The following FSD2 variants were observed in gnomAD, a reference collection of about 807,000 sequenced individuals.
FSD2 encodes the protein fibronectin type III and SPRY domain containing 2, also known as fibronectin type III and SPRY domain-containing protein 2.
Under a neutral mutation model 80.4 loss-of-function variants are expected in FSD2, and 71 were observed. The observed-to-expected ratio is 0.88, with a 90% CI of 0.73 to 1.08. FSD2 has a LOEUF of 1.08. FSD2 is among the 50% of genes least tolerant of loss of function. FSD2 has a pLI of 0.00. For missense variants in FSD2, 923 were observed against 913.8 expected (o/e 1.01, Z -0.13); for synonymous variants, 361 against 329.5 (o/e 1.10, Z -1.03).
At chr15:82,790,033 A>G (rs1352407268) in intron 1 of FSD2, among the ~76,000 whole-genome samples, 1 of 152,054 alleles carries the variant, frequency 6.6e-6, no homozygotes, top group African/African-American at 2.4e-5. Context: ...AAAATTAGCC[A>G]GTTGTGGTGG....
At position 82,786,913 on chromosome 15, in the gene FSD2, C is replaced by G. The variant is rs756241239; in HGVS notation, c.478G>C (p.Glu160Gln). The G allele has an allele frequency of 2.5e-6, 4 of 1,613,832 alleles. No individual in the cohort carries two copies. Among genetic ancestry groups the G allele is most frequent in the African/African-American group, 2.7e-5 (2 of 74,894 alleles). Residue 160 changes from glutamate (E) to glutamine (Q), a missense_variant, in exon 2 of 13, where the codon GAG becomes CAG. Physicochemically the swap from Glu to Gln is conservative, Grantham distance 29 (BLOSUM62 2). Transcript: ENST00000334574. ...YRYTHGRASE[E>Q]YECYVIPEEE... is the part of the protein sequence containing the mutation. ...TCGGGGATGACATAGCATTCATACT[C>G]CTCGCTGGCACGGCCGTGTGTGTAC...
chr15:82,767,191 G>A (rs1348304504), intron 9 of FSD2, among the ~76,000 whole-genome samples: 1 of 152,212 alleles, frequency 6.6e-6, no homozygotes, highest in African/African-American at 2.4e-5. Flanking sequence ...CATTCTTCAG[G>A]CAATCACTGG....
rs892688136 is a variant in FSD2, at chr15:82,758,727, C to T, written c.*621G>A. 1 of 152,364 alleles carries T rather than the reference C, an allele frequency of 6.6e-6. No individual in the cohort carries two copies. The highest frequency in any genetic ancestry group is 1.5e-5 in the Non-Finnish European group (1 of 68,206). 9.4% of individuals were successfully genotyped at this position (152,364 alleles called of 1,614,324 possible). ...GCAATGAACAAAACAGGCACTGTCC[C>T]TCCCTTCATGGAATTAGGCATTATA... On this transcript the variant is annotated 3_prime_UTR_variant, in exon 13 of 13. Transcript: ENST00000334574.
intron 6 of FSD2, among the ~76,000 whole-genome samples, chr15:82,777,426 C>T (rs567787360): frequency 1.8e-4 from 28 of 152,144 alleles, no homozygotes; most frequent in Non-Finnish European, 3.5e-4. Flanking sequence ...AGATATTTCC[C>T]CAAAGAAGAC....
Position 82,780,276 on chromosome 15 carries a change from GA to G in FSD2, c.967-10del. 6.8e-7 allele frequency: 1 copy of G among 1,467,184 alleles called. No individual in the cohort carries two copies. Among genetic ancestry groups the G allele is most frequent in the Non-Finnish European group, 9.1e-7 (1 of 1,096,706 alleles). The allele number at this position is 1,467,184 out of a possible 1,614,324, so 90.9% of individuals were successfully genotyped here. A position where few individuals can be genotyped will look rare whatever the true frequency, so the allele number is the denominator to read the frequency against. Reference sequence around the variant, plus strand: ...GCCATAGCCACTGCATCCTAAAAAGGAAAAAGAGAAAATATTAAGTTGATTT... The same window carrying G: ...GCCATAGCCACTGCATCCTAAAAAGGAAAAGAGAAAATATTAAGTTGATTT... On this transcript the variant is annotated splice_polypyrimidine_tract_variant and intron_variant, in intron 4 of 12. Coordinates refer to ENST00000334574, the MANE Select transcript of FSD2 (RefSeq NM_001007122.4).
chr15:82,769,141 T>C, intron 8 of FSD2, 111 bp from the exon 9 acceptor site: 1 of 1,036,344 alleles, frequency 9.6e-7, no homozygotes, highest in Non-Finnish European at 1.3e-6. Flanking sequence ...ACAAAAGAGA[T>C]TCAGTGCAAT....
Position 82,786,921 on chromosome 15 carries a change from G to C in FSD2, c.470C>G (p.Ala157Gly), listed in dbSNP as rs878865514. The change falls in exon 2 of 13, where the codon GCC becomes GGC. Residue 157 changes from alanine to glycine, a missense_variant. Transcript: ENST00000334574. ...GACATAGCATTCATACTCCTCGCTG[G>C]CACGGCCGTGTGTGTACCTATAGGC... ...REAYRYTHGR[A>G]SEEYECYVIP... The C allele has an allele frequency of 1.2e-6, 2 of 1,613,932 alleles. No individual in the cohort carries two copies. Among genetic ancestry groups the C allele is most frequent in the Non-Finnish European group, 1.7e-6 (2 of 1,179,882 alleles).
At chr15:82,767,595 A>T in intron 9 of FSD2, among the ~76,000 whole-genome samples, 1 of 152,200 alleles carries the variant, frequency 6.6e-6, no homozygotes, top group Non-Finnish European at 1.5e-5. Context: ...CAGCCCTCTG[A>T]TGACCTCATC....
chr15:82,794,070 T>G (rs1025435727), intron 1 of FSD2, among the ~76,000 whole-genome samples: 1 of 152,056 alleles, frequency 6.6e-6, no homozygotes, highest in African/African-American at 2.4e-5. Flanking sequence ...TTCCAGTTTT[T>G]TAATGTATTG....
At chr15:82,788,398 G>T (rs992699590) in intron 1 of FSD2, among the ~76,000 whole-genome samples, 1 of 151,314 alleles carries the variant, frequency 6.6e-6, no homozygotes, top group Non-Finnish European at 1.5e-5. Flanking sequence ...CAGCTACTTG[G>T]GAGGCTGAGG....
intron 1 of FSD2, among the ~76,000 whole-genome samples, chr15:82,793,182 AC>A (rs1025111179): frequency 6.6e-6 from 1 of 151,538 alleles, no homozygotes; most frequent in Admixed American, 6.6e-5. Context: ...TGCAACCTCC[AC>A]CTCCCAGGTC....
chr15:82,782,713 A>G, intron 4 of FSD2, 82 bp downstream of exon 4: 1 of 1,181,420 alleles, frequency 8.5e-7, no homozygotes, highest in East Asian at 2.3e-5. Flanking sequence ...AACCTAGCTT[A>G]CCTCAACCAT....
At chr15:82,778,024 T>C (rs1596243346) in intron 6 of FSD2, among the ~76,000 whole-genome samples, 3 of 148,756 alleles carry the variant, frequency 2.0e-5, no homozygotes, top group Admixed American at 6.7e-5. Context: ...TAGTTCTAAC[T>C]ACTCAGGAGG....
chr15:82,785,987 G>A (rs1028976145), intron 3 of FSD2, among the ~76,000 whole-genome samples: 1 of 152,028 alleles, frequency 6.6e-6, no homozygotes, highest in Non-Finnish European at 1.5e-5. Context: ...GCTCAAATGA[G>A]GGAATTCACT....
In FSD2 at chr15:82,764,492, CTTTTT is replaced by C. The variant is rs60095355; in HGVS notation, c.1820+669_1820+673del. Reference sequence around the variant, plus strand: ...CTCTTGTTGCTTCATTCTTTACTTGCTTTTTTTTTTTTTTTTTTTTGAGAAGGAGT... The same window carrying C: ...CTCTTGTTGCTTCATTCTTTACTTGCTTTTTTTTTTTTTTTGAGAAGGAGT... On this transcript the variant is annotated intron_variant, in intron 11 of 12. Transcript: ENST00000334574. Among the ~76,000 whole-genome samples the C allele has an allele frequency of 6.4e-4, 55 of 86,128 alleles. 1 individual carries two copies. Among genetic ancestry groups the C allele is most frequent in the Admixed American group, 1.1e-3 (8 of 7,420 alleles). The allele number at this position is 86,128 out of a possible 152,430, so 56.5% of individuals were successfully genotyped here.
Position 82,787,197 on chromosome 15 carries a change from C to G in FSD2, c.194G>C (p.Arg65Thr). Residue 65 changes from arginine to threonine, a missense_variant, in exon 2 of 13, where the codon AGA (arginine) becomes ACA (threonine). By Grantham distance (71) the Arg-to-Thr change is moderately conservative (BLOSUM62 -1). Transcript: ENST00000334574. ...TTCATCCACTTCCTCTTGAAGGTCT[C>G]TTTGAGCCTTACCATCCCCTGCTCC... ...SRGAGDGKAQ[R>T]DLQEEVDELV... 1.2e-6 allele frequency: 2 copies of G among 1,613,990 alleles called. No homozygotes were observed. Among genetic ancestry groups the G allele is most frequent in the South Asian group, 2.2e-5 (2 of 91,074 alleles).
Position 82,759,160 on chromosome 15 carries a change from CAGGT to C in FSD2, c.*184_*187del, listed in dbSNP as rs1478078763. The C allele has an allele frequency of 4.9e-6, 3 of 611,088 alleles. No individual in the cohort carries two copies. Among genetic ancestry groups the C allele is most frequent in the East Asian group, 5.7e-5 (2 of 35,128 alleles). The allele number at this position is 611,088 out of a possible 1,614,324, so 37.9% of individuals were successfully genotyped here. On this transcript the variant is annotated 3_prime_UTR_variant, in exon 13 of 13. Transcript: ENST00000334574. ...TGGTAATGACTATCCTAGCAGCACACAGGTAGCAGCACACAGGACTAGAATCCAG... is the reference window on the plus strand; with the variant it reads ...TGGTAATGACTATCCTAGCAGCACACAGCAGCACACAGGACTAGAATCCAG...
At chr15:82,766,353 A>G (rs1450659355) in intron 9 of FSD2, among the ~76,000 whole-genome samples, 1 of 152,140 alleles carries the variant, frequency 6.6e-6, no homozygotes, top group Admixed American at 6.5e-5. Flanking sequence ...ATGCAGTAGA[A>G]TCCAGTGTGT....
intron 1 of FSD2, among the ~76,000 whole-genome samples, chr15:82,794,227 T>C (rs900835448): frequency 1.3e-5 from 2 of 152,184 alleles, no homozygotes. Flanking sequence ...TTTCATTTCT[T>C]CTTTGACCCA....
Sources: gnomAD v4.1 joint callset for allele counts (sites outside exome capture counted in the v4.1 genomes callset) on GRCh38, gnomAD v4.1.1 for gene constraint, MANE v1.5 for transcripts, NCBI Gene and HGNC (gene_info 2026-07-23, HGNC 2026-07-21) for gene names.